RCBTB2: variants seen among roughly 807,000 people sequenced by gnomAD.
The protein encoded by RCBTB2 is RCC1 and BTB domain-containing protein 2.
A neutral mutation model predicts 65.4 loss-of-function variants in RCBTB2; 55 were observed. The observed-to-expected ratio is 0.84, with a 90% CI of 0.68 to 1.05. The LOEUF (loss-of-function observed/expected upper bound fraction) is 1.05. Among genes scored for constraint, RCBTB2 ranks in the 50% least tolerant of loss-of-function variants. The pLI, the probability that RCBTB2 is intolerant of heterozygous loss-of-function variation, is 0.00. For missense variants in RCBTB2, 599 were observed against 680.1 expected, an observed-to-expected ratio of 0.88 and a Z score of 1.33; for synonymous variants, 220 against 255.2, an observed-to-expected ratio of 0.86 and a Z score of 1.31.
At chr13:48,523,968 T>C (rs9331956) in intron 2 of RCBTB2, among the ~76,000 whole-genome samples, 2,584 of 152,294 alleles carry the variant, frequency 0.017, 63 homozygotes, top group African/African-American at 0.059. Context: ...AGGATTCAAA[T>C]TGAATGAAAT....
At chr13:48,535,739 A>G (rs1566356871), upstream of RCBTB2, 2 of 456,718 alleles carry the variant, frequency 4.4e-6, no homozygotes, top group South Asian at 3.1e-5. Flanking sequence ...TGAAGCATTC[A>G]TCTTCTTCTG....
chr13:48,522,012 C>A, intron 3 of RCBTB2, 50 bp from the exon 4 acceptor site: 1 of 1,492,402 alleles, frequency 6.7e-7, no homozygotes. Context: ...TTCGATGGAA[C>A]CAGGCAGGTT....
rs1949630400 is a variant in RCBTB2 at position 48,490,004 on chromosome 13, T to C, written c.*107A>G. ...TCCTTCTTCTGACAGTTACAAGTAC[T>C]CAGCCAAACATAGCTCATCATACAT... On this transcript the variant is annotated 3_prime_UTR_variant, in exon 15 of 15. Transcript: ENST00000344532. 1 of 1,245,428 alleles carries C rather than the reference T, an allele frequency of 8.0e-7. No homozygotes were observed. Among genetic ancestry groups the C allele is most frequent in the East Asian group, 2.3e-5 (1 of 42,908 alleles). 77.1% of individuals were successfully genotyped at this position (1,245,428 alleles called of 1,614,324 possible).
rs764191422 is a variant in RCBTB2 at position 48,512,771 on chromosome 13, G to A, written c.474C>T (p.Ala158=). 3.7e-6 allele frequency: 6 copies of A among 1,613,844 alleles called. No homozygotes were observed. In the Admixed American group the frequency reaches 5.0e-5, roughly 13 times the overall value. Residue 158 remains alanine, a synonymous_variant, in exon 7 of 15, where the codon GCC becomes GCT. Coordinates refer to ENST00000344532, the MANE Select transcript of RCBTB2 (RefSeq NM_001268.4). ...NLSNKQVIEV[A]CGSYHSLVLT... is the part of the protein sequence containing the mutation. The stretch of plus-strand genomic sequence containing the variant: ...GCACCAAAGAATGGTAAGACCCACA[G>A]GCAACTTCAATGACTTGTTTGTTTG...
At chr13:48,511,561 C>T (rs1036199127) in intron 9 of RCBTB2, among the ~76,000 whole-genome samples, 1 of 152,078 alleles carries the variant, frequency 6.6e-6, no homozygotes, top group Non-Finnish European at 1.5e-5. Context: ...AATTTATATT[C>T]CAAAAGGTAT....
chr13:48,506,907 C>T (rs967530021), intron 10 of RCBTB2, among the ~76,000 whole-genome samples: 1 of 152,212 alleles, frequency 6.6e-6, no homozygotes, highest in East Asian at 1.9e-4. Flanking sequence ...TGGAGCACAA[C>T]AGCATCCTTC....
intron 10 of RCBTB2, among the ~76,000 whole-genome samples, chr13:48,507,157 G>A (rs1018468820): frequency 2.0e-5 from 3 of 152,214 alleles, no homozygotes; most frequent in Non-Finnish European, 4.4e-5. Flanking sequence ...ACATATACCT[G>A]GCACACCCGG....
chr13:48,511,155 G>A (rs1379471502), intron 9 of RCBTB2, among the ~76,000 whole-genome samples: 1 of 151,824 alleles, frequency 6.6e-6, no homozygotes, highest in African/African-American at 2.4e-5. Context: ...AATATCAGAG[G>A]CATTTTTTTT....
intron 3 of RCBTB2, 110 bp from the exon 4 acceptor site, chr13:48,522,072 T>A: frequency 1.0e-6 from 1 of 962,480 alleles, no homozygotes; most frequent in East Asian, 2.4e-5. Flanking sequence ...AGCTCAAATG[T>A]TGTGAAAGGA....
chr13:48,525,372 TGA>T lies in RCBTB2; in HGVS notation c.-218-617_-218-616del, dbSNP rs1491146679. ...AATTCAAAAGTGAGCAAAGGATTCA[TGA>T]TATATATATATATATATATATATAT... On this transcript the variant is annotated intron_variant, in intron 1 of 14. Transcript: ENST00000344532. Among the ~76,000 whole-genome samples the T allele has an allele frequency of 1.3e-3, 88 of 67,538 alleles. 1 individual carries two copies. Among genetic ancestry groups the T allele is most frequent in the African/African-American group, 3.2e-3 (61 of 19,324 alleles). 44.3% of individuals were successfully genotyped at this position (67,538 alleles called of 152,430 possible).
upstream of RCBTB2, chr13:48,535,602 C>T (rs2138697051): frequency 2.2e-6 from 1 of 453,140 alleles, no homozygotes; most frequent in Non-Finnish European, 4.4e-6. Context: ...TTGCCCCTAC[C>T]CCTCCATTGA....
Position 48,490,108 on chromosome 13 carries a change from G to C in RCBTB2, c.*3C>G. The C allele has an allele frequency of 6.2e-7, 1 of 1,613,920 alleles. No individual in the cohort carries two copies. The highest frequency in any genetic ancestry group is 1.1e-5 in the South Asian group (1 of 91,048). ...AGGCTCAAAAACTTTCCTGCAGATG[G>C]GATCAATTTTTAAAGGCTCCAACTC... is the stretch of plus-strand genomic sequence containing the variant. On this transcript the variant is annotated 3_prime_UTR_variant, in exon 15 of 15. Transcript: ENST00000344532.
chr13:48,498,105 C>T (rs1425915078), intron 13 of RCBTB2, among the ~76,000 whole-genome samples: 1 of 152,190 alleles, frequency 6.6e-6, no homozygotes, highest in African/African-American at 2.4e-5. Context: ...GACCCCCTGG[C>T]CCAAAAGGGT....
intron 1 of RCBTB2, among the ~76,000 whole-genome samples, chr13:48,529,099 C>G (rs564365127): frequency 1.3e-5 from 2 of 152,024 alleles, no homozygotes; most frequent in Non-Finnish European, 2.9e-5. Context: ...CAGCCACACA[C>G]GGCAAAAGTG....
rs1331118199 is a variant in RCBTB2, at chr13:48,527,445, A to G, written c.-218-2688T>C. ...AAACAGTCTCCTATGTTATTTCCTCATTTTATTAAAATGTAACCTAAAACT... is the reference window on the plus strand; with the variant it reads ...AAACAGTCTCCTATGTTATTTCCTCGTTTTATTAAAATGTAACCTAAAACT... On this transcript the variant is annotated intron_variant, in intron 1 of 14. Transcript: ENST00000344532. Among the ~76,000 whole-genome samples the G allele has an allele frequency of 5.1e-5, 7 of 137,222 alleles. No homozygotes were observed. In the East Asian group the frequency reaches 1.2e-3, roughly 24 times the overall value. The allele number at this position is 137,222 out of a possible 152,430, so 90.0% of individuals were successfully genotyped here.
Position 48,495,076 on chromosome 13 carries a change from C to T in RCBTB2, c.1515+1115G>A, listed in dbSNP as rs9332057. Among the ~76,000 whole-genome samples, 269 of 152,204 alleles carry T rather than the reference C, an allele frequency of 1.8e-3. 6 individuals are homozygous for T. The highest frequency in any genetic ancestry group is 0.016 in the Admixed American group (250 of 15,290). On this transcript the variant is annotated intron_variant, in intron 14 of 14. Transcript: ENST00000344532. ...AAACAGAAAAAAAGTTATAACCTTT[C>T]ATCTACTAAAATGTCTCTGTTTTCT... is the stretch of plus-strand genomic sequence containing the variant.
chr13:48,515,781 A>G, intron 4 of RCBTB2, 40 bp from the exon 5 acceptor site: 1 of 1,573,576 alleles, frequency 6.4e-7, no homozygotes, highest in Non-Finnish European at 8.6e-7. Flanking sequence ...ACAAATTAAA[A>G]AGTGAATTTT....
At chr13:48,521,827 A>C in intron 4 of RCBTB2, 71 bp downstream of exon 4, 1 of 1,395,148 alleles carries the variant, frequency 7.2e-7, no homozygotes, top group Non-Finnish European at 1.0e-6. Flanking sequence ...ATCGGTGACC[A>C]ATAGGTGCTT....
At chr13:48,531,402 G>T (rs1952112438) in intron 1 of RCBTB2, among the ~76,000 whole-genome samples, 3 of 152,216 alleles carry the variant, frequency 2.0e-5, no homozygotes, top group African/African-American at 7.2e-5. Context: ...TGGTGATTAA[G>T]TGCTACAAAG....
Sources: gnomAD v4.1 joint callset for allele counts (sites outside exome capture counted in the v4.1 genomes callset) on GRCh38, gnomAD v4.1.1 for gene constraint, MANE v1.5 for transcripts, NCBI Gene and HGNC (gene_info 2026-07-23, HGNC 2026-07-21) for gene names.